NAV3: variants seen among roughly 807,000 people sequenced by gnomAD.
NAV3 encodes neuron navigator 3.
A neutral mutation model predicts 244.7 loss-of-function variants in NAV3; 87 were observed. The observed-to-expected ratio is 0.36, with a 90% confidence interval of 0.30 to 0.42. The LOEUF is 0.42. Ranked by LOEUF, NAV3 falls within the 20% of genes least tolerant of loss-of-function variation. The pLI, the probability that NAV3 is intolerant of heterozygous loss-of-function variation, is 1.00. For synonymous variants in NAV3, 1,126 were observed against 1,042.2 expected (o/e 1.08, Z -1.55); for missense variants, 2,663 against 2,893.3 (o/e 0.92, Z 1.83).
chr12:77,959,932 AAAAAAAAAG>A (rs1838759910), intron 3 of NAV3, among the ~76,000 whole-genome samples: 1 of 150,942 alleles, frequency 6.6e-6, no homozygotes, highest in African/African-American at 2.4e-5. Flanking sequence ...AAAAAAAAAA[AAAAAAAAAG>A]ACCAAAAACT....
At chr12:78,180,832 C>G (rs2139730170) in intron 29 of NAV3, 39 bp from the exon 30 acceptor site, 4 of 1,553,172 alleles carry the variant, frequency 2.6e-6, no homozygotes, top group Non-Finnish European at 3.5e-6. Context: ...CTCAATCAAA[C>G]CAACTCAGTT....
chr12:77,693,435 C>T (rs1382285384), intron 2 of NAV3, among the ~76,000 whole-genome samples: 1 of 151,922 alleles, frequency 6.6e-6, no homozygotes, highest in African/African-American at 2.4e-5. Context: ...TTTGCTCCAA[C>T]ATCCCTATCT....
intron 2 of NAV3, among the ~76,000 whole-genome samples, chr12:77,669,367 TG>T (rs1873860626): frequency 6.6e-6 from 1 of 152,132 alleles, no homozygotes; most frequent in Non-Finnish European, 1.5e-5. Context: ...TAACATTGAA[TG>T]TAAGTGGCTT....
chr12:78,120,529 G>A (rs1955625971), intron 15 of NAV3, among the ~76,000 whole-genome samples: 1 of 152,194 alleles, frequency 6.6e-6, no homozygotes. Context: ...TATCACAACT[G>A]AAGAGTGGGC....
At chr12:77,866,447 G>A (rs1415899873) in intron 1 of NAV3, among the ~76,000 whole-genome samples, 1 of 152,142 alleles carries the variant, frequency 6.6e-6, no homozygotes, top group Non-Finnish European at 1.5e-5. Flanking sequence ...CAGCCGCAGA[G>A]GTAACTTTGA....
rs779043567 is a variant in NAV3 at position 78,021,794 on chromosome 12, G to A, written c.1955G>A (p.Cys652Tyr). 4.3e-6 allele frequency: 7 copies of A among 1,611,042 alleles called. No individual in the cohort carries two copies. The highest frequency in any genetic ancestry group is 5.9e-6 in the Non-Finnish European group (7 of 1,178,316). ...EGTALPSADS[C>Y]TSPTKMDLSY... The stretch of plus-strand genomic sequence containing the variant: ...ACCGCTTTACCATCGGCTGACTCCT[G>A]TACCAGTCCTACAAAGATGGACTTA... Residue 652 changes from cysteine (C) to tyrosine (Y), a missense_variant, in exon 9 of 40, where the codon TGT (cysteine) becomes TAT (tyrosine). Physicochemically the swap from Cys to Tyr is radical, Grantham distance 194. Coordinates refer to ENST00000397909, the MANE Select transcript of NAV3 (RefSeq NM_001024383.2).
chr12:78,160,954 C>CT (rs1957519209), intron 23 of NAV3, among the ~76,000 whole-genome samples: 1 of 150,934 alleles, frequency 6.6e-6, no homozygotes, highest in Non-Finnish European at 1.5e-5. Flanking sequence ...TTTCTTCCTT[C>CT]TTTTCCCCCT....
chr12:78,012,908 C>T (rs1231031061), intron 8 of NAV3, among the ~76,000 whole-genome samples: 1 of 151,946 alleles, frequency 6.6e-6, no homozygotes, highest in African/African-American at 2.4e-5. Context: ...AGCATAATTG[C>T]CCAGTACAGA....
At chr12:78,205,755 T>C (rs546247590) in intron 39 of NAV3, among the ~76,000 whole-genome samples, 9 of 152,208 alleles carry the variant, frequency 5.9e-5, no homozygotes, top group African/African-American at 2.2e-4. Context: ...TTTTTATATA[T>C]CTATTTTTAT....
In NAV3 at chr12:77,968,642, C is replaced by T. The variant is rs749047710; in HGVS notation, c.611C>T (p.Thr204Ile). Reference protein sequence around the residue: ...QSLVELQQRVTHASPPSEASQ... With the variant: ...QSLVELQQRVIHASPPSEASQ... Reference sequence around the variant, plus strand: ...TTGGTGGAACTTCAGCAGCGAGTTACTCACGCTTCCCCTCCATCGGAAGCC... The same window carrying T: ...TTGGTGGAACTTCAGCAGCGAGTTATTCACGCTTCCCCTCCATCGGAAGCC... The change falls in exon 5 of 40, where the codon ACT (threonine) becomes ATT (isoleucine). Residue 204 changes from threonine (T) to isoleucine (I), a missense_variant. By Grantham distance (89) the Thr-to-Ile change is moderately conservative. This residue lies in a region of NAV3 where 1,521 missense variants were observed against 1,497.0 expected (regional missense o/e 1.02). Coordinates refer to ENST00000397909, the MANE Select transcript of NAV3 (RefSeq NM_001024383.2). The T allele has an allele frequency of 6.2e-7, 1 of 1,614,108 alleles. No homozygotes were observed. Among genetic ancestry groups the T allele is most frequent in the South Asian group, 1.1e-5 (1 of 91,084 alleles).
chr12:77,641,626 C>A (rs535795651), intron 2 of NAV3, among the ~76,000 whole-genome samples: 1 of 152,140 alleles, frequency 6.6e-6, no homozygotes, highest in South Asian at 2.1e-4. Context: ...AAGCTTGTAA[C>A]AAAGTGGCTT....
chr12:78,189,989 G>A lies in NAV3; in HGVS notation c.6061G>A (p.Glu2021Lys). Reference sequence around the variant, plus strand: ...TTTTTTGTTTCTTCTTTCAGGGGTAGAAGAAAATAGTTTGGACAGTTTTGT... The same window carrying A: ...TTTTTTGTTTCTTCTTTCAGGGGTAAAAGAAAATAGTTTGGACAGTTTTGT... ...NIITVNLKGV[E>K]ENSLDSFVFD... is the part of the protein sequence containing the mutation. The change falls in exon 34 of 40, where the codon GAA becomes AAA. Residue 2021 changes from glutamate (E) to lysine (K), a missense_variant. By Grantham distance (56) the Glu-to-Lys change is moderately conservative. Transcript: ENST00000397909. 1 of 1,611,692 alleles carries A rather than the reference G, an allele frequency of 6.2e-7. No homozygotes were observed. The highest frequency in any genetic ancestry group is 8.5e-7 in the Non-Finnish European group (1 of 1,178,498).
chr12:77,799,628 C>T (rs888977587), intron 2 of NAV3, among the ~76,000 whole-genome samples: 5 of 152,098 alleles, frequency 3.3e-5, no homozygotes, highest in Non-Finnish European at 2.9e-5. Flanking sequence ...TACCTTATTT[C>T]GTTCCTGCCA....
intron 5 of NAV3, among the ~76,000 whole-genome samples, chr12:77,976,363 A>C: frequency 6.6e-6 from 1 of 152,166 alleles, no homozygotes; most frequent in South Asian, 2.1e-4. Flanking sequence ...AAATCTGTAC[A>C]TAGTTGAAGA....
At chr12:77,734,203 A>G (rs775934919) in intron 2 of NAV3, among the ~76,000 whole-genome samples, 2 of 152,018 alleles carry the variant, frequency 1.3e-5, no homozygotes, top group Admixed American at 6.6e-5. Flanking sequence ...AAATCTAGCA[A>G]TCCATCAACT....
At chr12:77,768,318 A>T (rs1869887303) in intron 2 of NAV3, among the ~76,000 whole-genome samples, 1 of 152,198 alleles carries the variant, frequency 6.6e-6, no homozygotes. Flanking sequence ...GGGTTTCACC[A>T]GGCACCTGAC....
At chr12:77,956,528 A>T (rs998370154) in intron 3 of NAV3, among the ~76,000 whole-genome samples, 5 of 152,158 alleles carry the variant, frequency 3.3e-5, no homozygotes, top group Non-Finnish European at 7.3e-5. Flanking sequence ...TTTACATTGT[A>T]GCAGGGTTTG....
At chr12:78,094,756 T>A (rs971642245) in intron 12 of NAV3, among the ~76,000 whole-genome samples, 9 of 151,972 alleles carry the variant, frequency 5.9e-5, no homozygotes, top group Non-Finnish European at 1.0e-4. Context: ...ATTAAAAATA[T>A]TTCTTGGCTT....
chr12:77,826,542 G>A (rs1873027537), upstream of NAV3, among the ~76,000 whole-genome samples: 1 of 151,960 alleles, frequency 6.6e-6, no homozygotes, highest in African/African-American at 2.4e-5. Flanking sequence ...CAAATCAAGG[G>A]TCCTTTACCA....
Sources: allele counts gnomAD v4.1 joint callset (sites outside exome capture counted in the v4.1 genomes callset), GRCh38; gene constraint gnomAD v4.1.1; regional missense constraint gnomAD v4.1.1; transcripts MANE v1.5; gene names NCBI Gene and HGNC (gene_info 2026-07-23, HGNC 2026-07-21).